Variants in TMEM117 observed in about 807,000 individuals in gnomAD.
TMEM117 encodes the protein transmembrane protein 117.
TMEM117 carries 27 observed loss-of-function variants against 52.4 expected under a neutral mutation model. That is an observed-to-expected ratio of 0.51 (90% CI 0.38 to 0.71). The LOEUF is 0.71. Ranked by LOEUF, TMEM117 falls within the 30% of genes least tolerant of loss-of-function variation. The pLI, the probability that TMEM117 is intolerant of heterozygous loss-of-function variation, is 0.00. For missense variants in TMEM117, 556 were observed against 630.5 expected (o/e 0.88, Z 1.26); for synonymous variants, 215 against 206.3 (o/e 1.04, Z -0.36).
chr12:44,192,170 C>A (rs991736058), intron 4 of TMEM117, among the ~76,000 whole-genome samples: 20 of 152,054 alleles, frequency 1.3e-4, no homozygotes, highest in African/African-American at 1.7e-4. Context: ...ATAAAGGGTG[C>A]AGGGTGGTCA....
chr12:44,094,560 G>A (rs778182107), intron 3 of TMEM117, among the ~76,000 whole-genome samples: 13 of 152,162 alleles, frequency 8.5e-5, no homozygotes, highest in African/African-American at 1.2e-4. Context: ...TCTAGCACAC[G>A]GAGCAATTCT....
chr12:44,273,060 T>C (rs1316906100), intron 5 of TMEM117, among the ~76,000 whole-genome samples: 1 of 152,186 alleles, frequency 6.6e-6, no homozygotes, highest in Admixed American at 6.6e-5. Context: ...GATGAGTTCA[T>C]GTCCTTTGTA....
intron 3 of TMEM117, among the ~76,000 whole-genome samples, chr12:44,074,116 G>A (rs1454714276): frequency 6.6e-6 from 1 of 151,986 alleles, no homozygotes; most frequent in Non-Finnish European, 1.5e-5. Context: ...ATTTTACAAA[G>A]CCACAAATAA....
intron 3 of TMEM117, among the ~76,000 whole-genome samples, chr12:43,946,378 G>GTTTTTTTTTTTTTTT (rs1244597058): frequency 2.6e-5 from 3 of 113,494 alleles, no homozygotes. Flanking sequence ...ATATAATTCT[G>GTTTTTTTTTTTTTTT]TTTTTTTTTT....
intron 2 of TMEM117, among the ~76,000 whole-genome samples, chr12:43,865,041 C>T (rs1188853505): frequency 1.3e-5 from 2 of 152,072 alleles, no homozygotes; most frequent in Non-Finnish European, 2.9e-5. Flanking sequence ...AGCGAGACTA[C>T]GAACCCACCA....
At chr12:44,130,363 A>G (rs1948394363) in intron 3 of TMEM117, among the ~76,000 whole-genome samples, 2 of 152,018 alleles carry the variant, frequency 1.3e-5, no homozygotes, top group South Asian at 4.2e-4. Flanking sequence ...CTAGTGATAA[A>G]CCTCTCCCTT....
chr12:43,993,758 A>G (rs139015444), intron 3 of TMEM117, among the ~76,000 whole-genome samples: 6,151 of 152,162 alleles, frequency 0.04, 203 homozygotes, highest in African/African-American at 0.09. Flanking sequence ...GCAGTGGTAC[A>G]ATCTTGGCTC....
chr12:44,104,768 A>AT (rs1260891185), intron 3 of TMEM117, among the ~76,000 whole-genome samples: 2 of 151,732 alleles, frequency 1.3e-5, no homozygotes, highest in African/African-American at 2.4e-5. Flanking sequence ...GACTGGTGTT[A>AT]TTTTTTCTCT....
At chr12:44,368,571 A>G (rs747383533) in intron 6 of TMEM117, among the ~76,000 whole-genome samples, 40 of 152,310 alleles carry the variant, frequency 2.6e-4, no homozygotes, top group Middle Eastern at 3.4e-3. Context: ...ACCAAGGACA[A>G]TAATACCTAC....
chr12:43,892,819 T>C (rs1944131764), intron 2 of TMEM117, among the ~76,000 whole-genome samples: 1 of 152,176 alleles, frequency 6.6e-6, no homozygotes, highest in Admixed American at 6.5e-5. Context: ...ATAGTAAATG[T>C]CAGATGGTAG....
rs143421801 is a variant in TMEM117, at chr12:43,850,732, CATT to C, written c.277+5806_277+5808del. Among the ~76,000 whole-genome samples the C allele has an allele frequency of 7.6e-3, 1,153 of 152,296 alleles. 23 individuals are homozygous for C. Among genetic ancestry groups the C allele is most frequent in the African/African-American group, 0.026 (1,077 of 41,556 alleles). ...AAAATAATTAAAAATTTAATGCAAACATTAATGTTCTTATTGGCTTGGTATATG... is the reference window on the plus strand; with the variant it reads ...AAAATAATTAAAAATTTAATGCAAACAATGTTCTTATTGGCTTGGTATATG... On this transcript the variant is annotated intron_variant, in intron 2 of 7. Transcript: ENST00000266534.
At chr12:44,056,631 A>T (rs1947059011) in intron 3 of TMEM117, among the ~76,000 whole-genome samples, 1 of 152,150 alleles carries the variant, frequency 6.6e-6, no homozygotes, top group Non-Finnish European at 1.5e-5. Flanking sequence ...AACATAAATT[A>T]TACATTTGTG....
intron 3 of TMEM117, among the ~76,000 whole-genome samples, chr12:44,085,579 T>C (rs1947553471): frequency 6.6e-6 from 1 of 152,176 alleles, no homozygotes; most frequent in Admixed American, 6.5e-5. Context: ...CAAGAGTCCA[T>C]TTTCAGCAAT....
intron 5 of TMEM117, among the ~76,000 whole-genome samples, chr12:44,226,503 G>A (rs933068819): frequency 4.7e-5 from 7 of 148,492 alleles, no homozygotes; most frequent in South Asian, 2.1e-4. Context: ...ATATATATAT[G>A]TGTGTGTGTG....
At chr12:44,107,953 A>T (rs1181405741) in intron 3 of TMEM117, among the ~76,000 whole-genome samples, 1 of 152,120 alleles carries the variant, frequency 6.6e-6, no homozygotes, top group Non-Finnish European at 1.5e-5. Flanking sequence ...CCAGTATCTG[A>T]CCTGGCTTCT....
chr12:44,190,911 A>G (rs1949343711), intron 4 of TMEM117, among the ~76,000 whole-genome samples: 1 of 148,106 alleles, frequency 6.8e-6, no homozygotes, highest in South Asian at 2.1e-4. Context: ...TATATGTAAT[A>G]TATATACTAG....
At chr12:44,362,740 A>G (rs868526993) in intron 6 of TMEM117, among the ~76,000 whole-genome samples, 2 of 152,126 alleles carry the variant, frequency 1.3e-5, no homozygotes, top group African/African-American at 4.8e-5. Flanking sequence ...GGACTAAACC[A>G]GAAGAGCAAT....
chr12:43,990,347 G>A (rs1945918087), intron 3 of TMEM117, among the ~76,000 whole-genome samples: 1 of 152,100 alleles, frequency 6.6e-6, no homozygotes, highest in Admixed American at 6.5e-5. Context: ...ATCCAAAAAT[G>A]ACTTTAAGGT....
intron 3 of TMEM117, among the ~76,000 whole-genome samples, chr12:44,042,556 T>A (rs907718541): frequency 5.3e-5 from 8 of 152,000 alleles, no homozygotes; most frequent in Non-Finnish European, 1.2e-4. Context: ...ATCCAGTGAA[T>A]ATAAAAGAGG....
Sources: gnomAD v4.1 joint callset for allele counts (sites outside exome capture counted in the v4.1 genomes callset) on GRCh38, gnomAD v4.1.1 for gene constraint, MANE v1.5 for transcripts, NCBI Gene and HGNC (gene_info 2026-07-23, HGNC 2026-07-21) for gene names.